The following HMCN1 variants were observed in gnomAD, a reference collection of about 807,000 sequenced individuals.
The protein encoded by HMCN1 is hemicentin-1.
A neutral mutation model predicts 625.9 loss-of-function variants in HMCN1; 321 were observed. That is an observed-to-expected ratio of 0.51 (90% CI 0.47 to 0.56). HMCN1 has a LOEUF of 0.56. Ranked by LOEUF, HMCN1 falls within the 20% of genes least tolerant of loss-of-function variation. HMCN1 has a pLI of 0.00. For synonymous variants in HMCN1, 2,425 were observed against 2,417.6 expected, an observed-to-expected ratio of 1.00 and a Z score of -0.09; for missense variants, 6,588 against 6,887.3, an observed-to-expected ratio of 0.96 and a Z score of 1.54.
chr1:185,766,413 A>T (rs1272391335), intron 1 of HMCN1, among the ~76,000 whole-genome samples: 1 of 152,106 alleles, frequency 6.6e-6, no homozygotes, highest in Non-Finnish European at 1.5e-5. Context: ...AAGAGGGGAC[A>T]TTCTCCCTGA....
chr1:186,153,666 C>T (rs938506121), intron 96 of HMCN1, 84 bp from the exon 97 acceptor site: 8 of 1,073,946 alleles, frequency 7.4e-6, no homozygotes, highest in Middle Eastern at 2.0e-4. Flanking sequence ...TTTTTCCCCG[C>T]TCATTCTGCA....
At chr1:185,923,329 T>C in intron 7 of HMCN1, 61 bp from the exon 8 acceptor site, 1 of 1,263,404 alleles carries the variant, frequency 7.9e-7, no homozygotes, top group Non-Finnish European at 1.1e-6. Context: ...CAAATACTTA[T>C]TTGATATATA....
intron 5 of HMCN1, among the ~76,000 whole-genome samples, chr1:185,911,335 C>G (rs1413151505): frequency 3.9e-5 from 6 of 152,050 alleles, no homozygotes; most frequent in African/African-American, 1.4e-4. Context: ...ATTTGATGAT[C>G]AAGTCAGCAT....
At chr1:186,175,747 T>C (rs1429770716) in intron 103 of HMCN1, among the ~76,000 whole-genome samples, 2 of 151,644 alleles carry the variant, frequency 1.3e-5, no homozygotes, top group East Asian at 1.9e-4. Flanking sequence ...GGCTGGGCAC[T>C]GTGCTTCACG....
At chr1:186,174,674 G>A (rs765318600) in intron 103 of HMCN1, 32 bp downstream of exon 103, 5 of 1,612,292 alleles carry the variant, frequency 3.1e-6, no homozygotes, top group Non-Finnish European at 4.2e-6. Flanking sequence ...GAGCAATAAA[G>A]CTACTGATGT....
chr1:185,845,971 G>C (rs184714882), intron 1 of HMCN1, 55 bp from the exon 2 acceptor site: 2 of 1,123,524 alleles, frequency 1.8e-6, no homozygotes, highest in African/African-American at 1.5e-5. Context: ...ACACAAGAAA[G>C]TCTTTAATGC....
intron 41 of HMCN1, among the ~76,000 whole-genome samples, chr1:186,048,397 A>G (rs1656720794): frequency 6.6e-6 from 1 of 152,118 alleles, no homozygotes; most frequent in Non-Finnish European, 1.5e-5. Flanking sequence ...ATTTTACTGG[A>G]CAGTTTCCTA....
chr1:186,030,957 T>C (rs1253148369), intron 36 of HMCN1, among the ~76,000 whole-genome samples: 1 of 152,002 alleles, frequency 6.6e-6, no homozygotes, highest in Non-Finnish European at 1.5e-5. Context: ...TTTGTGCTAT[T>C]ATTGTTAAAC....
chr1:185,957,439 GT>G (rs1558094179), intron 11 of HMCN1, among the ~76,000 whole-genome samples: 1 of 152,118 alleles, frequency 6.6e-6, no homozygotes, highest in Non-Finnish European at 1.5e-5. Context: ...AGAAGGGGAC[GT>G]TTTTATATAT....
chr1:186,059,854 C>T (rs1034288484), intron 46 of HMCN1, among the ~76,000 whole-genome samples: 3 of 151,674 alleles, frequency 2.0e-5, no homozygotes, highest in Admixed American at 6.6e-5. Flanking sequence ...CTGGATTAAG[C>T]GAGAAGTCCA....
rs773085725 is a variant in HMCN1, at chr1:186,057,336, C to T, written c.7247C>T (p.Pro2416Leu). 6.2e-7 allele frequency: 1 copy of T among 1,609,878 alleles called. No homozygotes were observed. Among genetic ancestry groups the T allele is most frequent in the South Asian group, 1.1e-5 (1 of 90,998 alleles). Residue 2416 changes from proline to leucine, a missense_variant, in exon 46 of 107, where the codon CCT (proline) becomes CTT (leucine). This residue lies in a region of HMCN1 where 4,628 missense variants were observed against 4,853.1 expected (regional missense o/e 0.95). Coordinates refer to ENST00000271588, the MANE Select transcript of HMCN1 (RefSeq NM_031935.3). ...LTCEASGIPL[P>L]SITWFKDGWP... ...TGTGAAGCTTCTGGAATTCCCCTGC[C>T]TTCCATAACCTGGTTCAAAGATGGG...
At chr1:186,004,119 G>A (rs1653386974) in intron 29 of HMCN1, among the ~76,000 whole-genome samples, 1 of 152,174 alleles carries the variant, frequency 6.6e-6, no homozygotes, top group African/African-American at 2.4e-5. Context: ...TCTAAAGACA[G>A]TGAAAAATGT....
intron 11 of HMCN1, among the ~76,000 whole-genome samples, chr1:185,949,476 G>T (rs1668529015): frequency 6.6e-6 from 1 of 151,868 alleles, no homozygotes. Flanking sequence ...TTAAGTTGGT[G>T]GCTGAGCTTG....
chr1:186,181,389 T>C (rs1051315494), intron 104 of HMCN1, among the ~76,000 whole-genome samples: 2 of 152,122 alleles, frequency 1.3e-5, no homozygotes, highest in Admixed American at 6.6e-5. Context: ...CTCACCCTCC[T>C]TTTTTTGCCA....
rs1667104156 is a variant in HMCN1, at chr1:185,923,524, T to G, written c.1156T>G (p.Tyr386Asp). Reference protein sequence around the residue: ...PVKYYPHRKPYGIWNISDFVP... With the variant: ...PVKYYPHRKPDGIWNISDFVP... ...TAAATATTACCCACATCGAAAACCT[T>G]ATGGCATATGGAATATTTCTGACTT... Residue 386 changes from tyrosine to aspartate, a missense_variant, in exon 8 of 107, where the codon TAT becomes GAT. Tyr to Asp is a radical substitution (Grantham distance 160). This residue lies in a region of HMCN1 where 4,628 missense variants were observed against 4,853.1 expected (regional missense o/e 0.95). Coordinates refer to ENST00000271588, the MANE Select transcript of HMCN1 (RefSeq NM_031935.3). 6.2e-7 allele frequency: 1 copy of G among 1,612,476 alleles called. No individual in the cohort carries two copies. The highest frequency in any genetic ancestry group is 1.1e-5 in the South Asian group (1 of 91,054).
chr1:186,188,219 G>T (rs530662526), intron 106 of HMCN1, among the ~76,000 whole-genome samples: 30 of 152,312 alleles, frequency 2.0e-4, no homozygotes, highest in Non-Finnish European at 3.2e-4. Context: ...CTCACTCTTG[G>T]CTGCCAGTGT....
At chr1:186,099,023 CA>C (rs1377196641) in intron 68 of HMCN1, among the ~76,000 whole-genome samples, 1 of 151,996 alleles carries the variant, frequency 6.6e-6, no homozygotes, top group African/African-American at 2.4e-5. Flanking sequence ...ACAAGGGAGA[CA>C]GGGGGAGTAG....
chr1:186,125,149 T>C (rs1661583695), intron 81 of HMCN1, among the ~76,000 whole-genome samples: 1 of 152,132 alleles, frequency 6.6e-6, no homozygotes, highest in Admixed American at 6.6e-5. Flanking sequence ...TACAGCACTT[T>C]GTGATATTCA....
intron 1 of HMCN1, among the ~76,000 whole-genome samples, chr1:185,818,223 G>C (rs1659962667): frequency 6.6e-6 from 1 of 152,114 alleles, no homozygotes; most frequent in Admixed American, 6.6e-5. Context: ...TGGCATCCTT[G>C]AAATTGATTA....
Sources: allele counts gnomAD v4.1 joint callset (sites outside exome capture counted in the v4.1 genomes callset), GRCh38; gene constraint gnomAD v4.1.1; regional missense constraint gnomAD v4.1.1; transcripts MANE v1.5; gene names NCBI Gene and HGNC (gene_info 2026-07-23, HGNC 2026-07-21).